Variants in VPS13B observed in about 807,000 individuals in gnomAD.
VPS13B encodes the protein intermembrane lipid transfer protein VPS13B.
In VPS13B, 285 loss-of-function variants were observed where a neutral mutation model predicts 426.4. The observed-to-expected ratio is 0.67, with a 90% CI of 0.61 to 0.74. The LOEUF is 0.74. Ranked by LOEUF, VPS13B falls within the 30% of genes least tolerant of loss-of-function variation. The pLI, the probability that VPS13B is intolerant of heterozygous loss-of-function variation, is 0.00. For synonymous variants in VPS13B, 1,676 were observed against 1,676.4 expected, an observed-to-expected ratio of 1.00 and a Z score of 0.01; for missense variants, 4,537 against 4,782.6, an observed-to-expected ratio of 0.95 and a Z score of 1.51.
Position 99,876,960 on chromosome 8 carries a change from A to ATCTT in VPS13B, c.*1295_*1298dup, listed in dbSNP as rs1195665218. ...TAAGCTCACTGCCTGGGCTCAAGTG[A>ATCTT]TCTTACTCCAGCCTCCCAAGCAGCT... On this transcript the variant is annotated 3_prime_UTR_variant, in exon 62 of 62. Transcript: ENST00000357162. 1.3e-5 allele frequency: 2 copies of ATCTT among 152,182 alleles called. No homozygotes were observed. The highest frequency in any genetic ancestry group is 2.4e-5 in the African/African-American group (1 of 41,428). The allele number at this position is 152,182 out of a possible 1,614,324, so 9.4% of individuals were successfully genotyped here. A position where few individuals can be genotyped will look rare whatever the true frequency, so the allele number is the denominator to read the frequency against.
intron 17 of VPS13B, among the ~76,000 whole-genome samples, chr8:99,224,861 A>G (rs1349868148): frequency 6.6e-6 from 1 of 152,146 alleles, no homozygotes; most frequent in African/African-American, 2.4e-5. Flanking sequence ...TGTGGGAAGC[A>G]TACAAATAGA....
intron 4 of VPS13B, among the ~76,000 whole-genome samples, chr8:99,098,880 A>G (rs1184462520): frequency 6.6e-6 from 1 of 152,054 alleles, no homozygotes; most frequent in Non-Finnish European, 1.5e-5. Context: ...AGGAAAGCTA[A>G]TTTTTATATT....
intron 33 of VPS13B, among the ~76,000 whole-genome samples, chr8:99,586,155 A>G (rs150252732): frequency 3.2e-4 from 49 of 152,276 alleles, no homozygotes; most frequent in Middle Eastern, 3.4e-3. Flanking sequence ...GCTGTTTTCC[A>G]TTGGATGAGG....
At chr8:99,063,147 G>A (rs1844283110) in intron 3 of VPS13B, among the ~76,000 whole-genome samples, 2 of 152,188 alleles carry the variant, frequency 1.3e-5, no homozygotes, top group South Asian at 4.1e-4. Flanking sequence ...AGCTCCCAGC[G>A]TGATTGACAC....
At chr8:99,392,844 G>T (rs2133315605) in intron 21 of VPS13B, among the ~76,000 whole-genome samples, 1 of 152,022 alleles carries the variant, frequency 6.6e-6, no homozygotes, top group African/African-American at 2.4e-5. Flanking sequence ...CTTTTACTTT[G>T]TTGAGATTTT....
chr8:99,518,616 A>G (rs892236469), intron 29 of VPS13B, among the ~76,000 whole-genome samples: 1 of 151,922 alleles, frequency 6.6e-6, no homozygotes, highest in African/African-American at 2.4e-5. Context: ...CTTCATGGTT[A>G]TCTTATTCTG....
chr8:99,043,309 A>G lies in VPS13B; in HGVS notation c.291+4743A>G, dbSNP rs113768325. Reference sequence around the variant, plus strand: ...ATCATTGGAATTTTAAGTGTGGATTATTATGAATTAGTACAGTTGTTTTGG... The same window carrying G: ...ATCATTGGAATTTTAAGTGTGGATTGTTATGAATTAGTACAGTTGTTTTGG... On this transcript the variant is annotated intron_variant, in intron 3 of 61. Coordinates refer to ENST00000357162, the MANE Select transcript of VPS13B (RefSeq NM_152564.5). Among the ~76,000 whole-genome samples, 97 of 152,276 alleles carry G rather than the reference A, an allele frequency of 6.4e-4. 2 individuals carry two copies. The South Asian group carries it at 8.5e-3, about 13-fold the overall frequency.
intron 22 of VPS13B, among the ~76,000 whole-genome samples, chr8:99,437,358 G>A (rs1449501728): frequency 6.6e-6 from 1 of 151,360 alleles, no homozygotes; most frequent in African/African-American, 2.4e-5. Flanking sequence ...TAATTATAAT[G>A]GATTATTTTA....
chr8:99,020,331 T>C (rs943136609), intron 2 of VPS13B, among the ~76,000 whole-genome samples: 1 of 152,202 alleles, frequency 6.6e-6, no homozygotes, highest in African/African-American at 2.4e-5. Flanking sequence ...AATCGGGTTC[T>C]TTGTTTTTTG....
At position 99,877,254 on chromosome 8, in the gene VPS13B, A is replaced by C. The variant is rs1298817387; in HGVS notation, c.*1588A>C. On this transcript the variant is annotated 3_prime_UTR_variant, in exon 62 of 62. Transcript: ENST00000357162. ...ACTTAACGAACAATTCTGACTATGA[A>C]AAATGTCTCTTTCAGTTTGTTCTGT... 2 of 152,636 alleles carry C rather than the reference A, an allele frequency of 1.3e-5. No homozygotes were observed. Among genetic ancestry groups the C allele is most frequent in the African/African-American group, 4.8e-5 (2 of 41,462 alleles). The allele number at this position is 152,636 out of a possible 1,614,324, so 9.5% of individuals were successfully genotyped here. A position where few individuals can be genotyped will look rare whatever the true frequency, so the allele number is the denominator to read the frequency against.
intron 19 of VPS13B, among the ~76,000 whole-genome samples, chr8:99,352,811 C>T (rs1811964074): frequency 6.6e-6 from 1 of 150,408 alleles, no homozygotes; most frequent in Admixed American, 6.6e-5. Context: ...GCAACAAGAG[C>T]AGAACTCCAT....
Position 99,506,536 on chromosome 8 carries a change from A to G in VPS13B, c.4158-601A>G, listed in dbSNP as rs530083460. Among the ~76,000 whole-genome samples the G allele has an allele frequency of 2.0e-5, 3 of 152,350 alleles. No individual in the cohort carries two copies. In the East Asian group the frequency reaches 5.8e-4, roughly 29 times the overall value. ...GTGTATGTGGTATGCACCAAGTGCT[A>G]TGCTAAATGAGTACTGGGGATGTAG... On this transcript the variant is annotated intron_variant, in intron 27 of 61. Transcript: ENST00000357162.
At chr8:99,673,607 G>T (rs1392652109) in intron 35 of VPS13B, among the ~76,000 whole-genome samples, 1 of 151,482 alleles carries the variant, frequency 6.6e-6, no homozygotes, top group African/African-American at 2.4e-5. Flanking sequence ...ATTTATTTCT[G>T]CTCTGATCTT....
intron 19 of VPS13B, among the ~76,000 whole-genome samples, chr8:99,342,327 A>G (rs1454722177): frequency 6.6e-6 from 1 of 152,206 alleles, no homozygotes. Context: ...TTTATTGTAC[A>G]ATAGATCTCA....
chr8:99,019,294 C>G (rs1030262381), intron 2 of VPS13B, among the ~76,000 whole-genome samples: 7 of 149,994 alleles, frequency 4.7e-5, no homozygotes, highest in Admixed American at 2.7e-4. Flanking sequence ...GCAACCTCTA[C>G]TTCCTGGGTT....
intron 17 of VPS13B, among the ~76,000 whole-genome samples, chr8:99,247,677 T>A (rs918967678): frequency 1.3e-5 from 2 of 152,230 alleles, no homozygotes; most frequent in Admixed American, 6.5e-5. Flanking sequence ...AACTATCAAC[T>A]ACATAAATTT....
At chr8:99,531,799 A>G (rs1474928844) in intron 30 of VPS13B, among the ~76,000 whole-genome samples, 1 of 152,082 alleles carries the variant, frequency 6.6e-6, no homozygotes, top group Admixed American at 6.5e-5. Flanking sequence ...AGTTTATAGA[A>G]TTAGATATAT....
At chr8:99,439,867 C>G (rs1176844495) in intron 22 of VPS13B, among the ~76,000 whole-genome samples, 1 of 152,030 alleles carries the variant, frequency 6.6e-6, no homozygotes, top group Non-Finnish European at 1.5e-5. Flanking sequence ...GTTTCTCAAA[C>G]CTCACATATA....
chr8:99,808,309 A>G (rs1352971265), intron 43 of VPS13B, among the ~76,000 whole-genome samples: 1 of 152,032 alleles, frequency 6.6e-6, no homozygotes, highest in Non-Finnish European at 1.5e-5. Flanking sequence ...CTTGAGGTCA[A>G]GAGATCGAGA....
Sources: gnomAD v4.1 joint callset for allele counts (sites outside exome capture counted in the v4.1 genomes callset) on GRCh38, gnomAD v4.1.1 for gene constraint, MANE v1.5 for transcripts, NCBI Gene and HGNC (gene_info 2026-07-23, HGNC 2026-07-21) for gene names.